Variants in PPP2R1A observed in about 807,000 individuals in gnomAD.
PPP2R1A encodes serine/threonine-protein phosphatase 2A 65 kDa regulatory subunit A alpha isoform.
A neutral mutation model predicts 67.1 loss-of-function variants in PPP2R1A; 15 were observed. The observed-to-expected ratio is 0.22, with a 90% CI of 0.15 to 0.34. PPP2R1A has a LOEUF of 0.34. PPP2R1A is among the 10% of genes least tolerant of loss of function. The probability of loss-of-function intolerance (pLI) is 1.00; values close to 1 mark genes in which losing one functional copy is unlikely to be tolerated. For missense variants in PPP2R1A, 369 were observed against 775.0 expected (o/e 0.48, Z 6.22); for synonymous variants, 337 against 325.0 (o/e 1.04, Z -0.40).
At position 52,211,232 on chromosome 19, in the gene PPP2R1A, G is replaced by A. The variant is rs775813201; in HGVS notation, c.271-28G>A. ...GGCTGCGGATGGTGGAGAGGGAGCT[G>A]TCCAGTGACTTTGTGTTCTCACCAC... On this transcript the variant is annotated intron_variant, in intron 3 of 14. Transcript: ENST00000322088. This position sits in a 1 kb window ranked among gnomAD's most constrained non-coding sequence, Gnocchi z 5.3. 4 of 1,603,358 alleles carry A rather than the reference G, an allele frequency of 2.5e-6. No homozygotes were observed. The highest frequency in any genetic ancestry group is 1.7e-5 in the Admixed American group (1 of 59,338).
intron 2 of PPP2R1A, among the ~76,000 whole-genome samples, chr19:52,204,604 T>C (rs2089584030): frequency 6.6e-6 from 1 of 152,084 alleles, no homozygotes; most frequent in South Asian, 2.1e-4. Flanking sequence ...AGACTGGAGA[T>C]AAAGATGAAT....
chr19:52,203,640 GT>G (rs563891718), intron 2 of PPP2R1A, among the ~76,000 whole-genome samples: 2 of 152,100 alleles, frequency 1.3e-5, no homozygotes, highest in Non-Finnish European at 2.9e-5. Context: ...ATATGTCTGG[GT>G]TTTTTTCCCC....
intron 13 of PPP2R1A, among the ~76,000 whole-genome samples, chr19:52,224,455 C>T (rs190821072): frequency 9.2e-5 from 14 of 152,302 alleles, no homozygotes; most frequent in South Asian, 2.1e-4. Flanking sequence ...CCTCCTGGCC[C>T]GGGTGCCTCA....
intron 1 of PPP2R1A, among the ~76,000 whole-genome samples, chr19:52,198,503 G>T (rs2089517385): frequency 1.3e-5 from 2 of 152,036 alleles, no homozygotes; most frequent in African/African-American, 4.8e-5. Context: ...GAAACACTTA[G>T]GTTTACCGGT....
Position 52,213,467 on chromosome 19 carries a change from T to G in PPP2R1A, c.807+357T>G, listed in dbSNP as rs910215635. Among the ~76,000 whole-genome samples, 13 of 111,368 alleles carry G rather than the reference T, an allele frequency of 1.2e-4. No homozygotes were observed. Among genetic ancestry groups the G allele is most frequent in the East Asian group, 7.1e-4 (3 of 4,250 alleles). The allele number at this position is 111,368 out of a possible 152,430, so 73.1% of individuals were successfully genotyped here. ...GTGGGGTTTTTTGGTGTTTTTTTTTTTTTTTTTTTTTTTTTTTTTTAAGAT... is the reference window on the plus strand; with the variant it reads ...GTGGGGTTTTTTGGTGTTTTTTTTTGTTTTTTTTTTTTTTTTTTTTAAGAT... On this transcript the variant is annotated intron_variant, in intron 6 of 14. Coordinates refer to ENST00000322088, the MANE Select transcript of PPP2R1A (RefSeq NM_014225.6). This position sits in a 1 kb window ranked among gnomAD's most constrained non-coding sequence, Gnocchi z 4.2.
At chr19:52,202,578 C>CATGTTATAG (rs1299223821) in intron 2 of PPP2R1A, among the ~76,000 whole-genome samples, 23 of 152,216 alleles carry the variant, frequency 1.5e-4, no homozygotes, top group African/African-American at 5.5e-4. Flanking sequence ...CTGCTGTCCC[C>CATGTTATAG]ATGTTATAGA....
chr19:52,220,385 G>A lies in PPP2R1A; in HGVS notation c.1363+136G>A, dbSNP rs2122362532. The A allele has an allele frequency of 3.2e-6, 3 of 924,320 alleles. No homozygotes were observed. In the South Asian group the frequency reaches 4.2e-5, roughly 13 times the overall value. The allele number at this position is 924,320 out of a possible 1,614,324, so 57.3% of individuals were successfully genotyped here. On this transcript the variant is annotated intron_variant, in intron 11 of 14. Coordinates refer to ENST00000322088, the MANE Select transcript of PPP2R1A (RefSeq NM_014225.6). ...GCTGGATGCTCGTATGGACCAGCTC[G>A]CATGCTTGTTAGAGTCCTAGAGAAG...
At chr19:52,222,059 G>T in intron 12 of PPP2R1A, 40 bp from the exon 13 acceptor site, 1 of 1,554,816 alleles carries the variant, frequency 6.4e-7, no homozygotes, top group Non-Finnish European at 8.7e-7. Flanking sequence ...AGTTAGCCAG[G>T]AGCTTTGCAT....
rs1600161143 is a variant in PPP2R1A at position 52,202,365 on chromosome 19, C to T, written c.169+331C>T. 2.0e-5 allele frequency among the ~76,000 whole-genome samples: 3 copies of T among 152,314 alleles called. No homozygotes were observed. In the South Asian group the frequency reaches 6.2e-4, roughly 32 times the overall value. On this transcript the variant is annotated intron_variant, in intron 2 of 14. Coordinates refer to ENST00000322088, the MANE Select transcript of PPP2R1A (RefSeq NM_014225.6). ...TAGATTGGGATAATCATCCATGTGC[C>T]AAAGTGTTGATCTGAGCATTCAATG...
chr19:52,209,073 T>G (rs529465247), intron 3 of PPP2R1A, among the ~76,000 whole-genome samples: 1 of 152,214 alleles, frequency 6.6e-6, no homozygotes, highest in Non-Finnish European at 1.5e-5. Context: ...CATGCTGGGA[T>G]AGGCCTCCGG....
At chr19:52,225,566 G>C (rs1316021635) in intron 13 of PPP2R1A, 151 bp from the exon 14 acceptor site, 1 of 641,166 alleles carries the variant, frequency 1.6e-6, no homozygotes, top group Non-Finnish European at 2.8e-6. Context: ...TCTAATTCCT[G>C]TGTGTGCCCT....
intron 3 of PPP2R1A, among the ~76,000 whole-genome samples, chr19:52,209,267 G>T (rs2089639815): frequency 6.6e-6 from 1 of 150,808 alleles, no homozygotes; most frequent in Admixed American, 6.6e-5. Context: ...TACCTTCTCT[G>T]TGCCAGCCCA....
chr19:52,194,198 G>T (rs1212892427), intron 1 of PPP2R1A, among the ~76,000 whole-genome samples: 1 of 152,076 alleles, frequency 6.6e-6, no homozygotes, highest in African/African-American at 2.4e-5. Flanking sequence ...CTGCTCTGAG[G>T]AAGTGATGTT....
chr19:52,219,601 A>G lies in PPP2R1A; in HGVS notation c.1129-90A>G. The G allele has an allele frequency of 1.5e-6, 2 of 1,375,600 alleles. No individual in the cohort carries two copies. The highest frequency in any genetic ancestry group is 2.9e-5 in the African/African-American group (2 of 69,820). The allele number at this position is 1,375,600 out of a possible 1,614,324, so 85.2% of individuals were successfully genotyped here. ...AGGAGTAGTCCCTCGGGAGATGTCC[A>G]TAAAAGTTGATGCAGCTGAGCTCTT... On this transcript the variant is annotated intron_variant, in intron 9 of 14. Coordinates refer to ENST00000322088, the MANE Select transcript of PPP2R1A (RefSeq NM_014225.6). The surrounding 1 kb of genome is among the most constrained non-coding windows in gnomAD (Gnocchi z 4.0).
chr19:52,213,383 T>C lies in PPP2R1A; in HGVS notation c.807+273T>C, dbSNP rs1034845214. Among the ~76,000 whole-genome samples the C allele has an allele frequency of 6.8e-6, 1 of 147,338 alleles. No homozygotes were observed. Among genetic ancestry groups the C allele is most frequent in the Non-Finnish European group, 1.5e-5 (1 of 67,368 alleles). On this transcript the variant is annotated intron_variant, in intron 6 of 14. Transcript: ENST00000322088. The surrounding 1 kb of genome is among the most constrained non-coding windows in gnomAD (Gnocchi z 4.2). ...CAGGAGCAGAGAAGGGTAGCACATG[T>C]GGGGTGTTCCTGACATAATCAAGCT...
chr19:52,214,719 G>A (rs1978459298), intron 6 of PPP2R1A, among the ~76,000 whole-genome samples: 1 of 151,708 alleles, frequency 6.6e-6, no homozygotes, highest in African/African-American at 2.4e-5. Context: ...GCAGGGCCAA[G>A]CGTGCCTCCC....
intron 11 of PPP2R1A, among the ~76,000 whole-genome samples, 195 bp from the exon 12 acceptor site, chr19:52,220,784 G>A (rs540695461): frequency 1.3e-5 from 2 of 152,098 alleles, no homozygotes; most frequent in Non-Finnish European, 2.9e-5. Flanking sequence ...CTCTTGGAGT[G>A]GTTGAAAAGA....
chr19:52,222,325 G>A (rs1600173878), intron 13 of PPP2R1A, 84 bp downstream of exon 13: 1 of 1,513,172 alleles, frequency 6.6e-7, no homozygotes, highest in South Asian at 1.3e-5. Context: ...AGAGCCCAGG[G>A]TCAGAGGCCT....
At chr19:52,215,634 T>G in intron 6 of PPP2R1A, 145 bp from the exon 7 acceptor site, 1 of 657,696 alleles carries the variant, frequency 1.5e-6, no homozygotes, top group African/African-American at 1.8e-5. Context: ...GGGCCAGTCT[T>G]GGCACTCGAA....
Sources: gnomAD v4.1 joint callset for allele counts (sites outside exome capture counted in the v4.1 genomes callset) on GRCh38, gnomAD v4.1.1 for gene constraint, Gnocchi (gnomAD v3.1) non-coding constraint, MANE v1.5 for transcripts, NCBI Gene and HGNC (gene_info 2026-07-23, HGNC 2026-07-21) for gene names.